Variants in RAPGEF1 observed in about 807,000 individuals in gnomAD.
The protein encoded by RAPGEF1 is Rap guanine nucleotide exchange factor 1, also known as CRK SH3-binding GNRP.
Under a neutral mutation model 143.3 loss-of-function variants are expected in RAPGEF1, and 33 were observed. The observed-to-expected ratio is 0.23, with a 90% confidence interval of 0.17 to 0.31. The LOEUF (loss-of-function observed/expected upper bound fraction) is 0.31, where lower values mean the gene tolerates loss of function less well. Among genes scored for constraint, RAPGEF1 ranks in the 10% least tolerant of loss-of-function variants. The pLI is 1.00. For synonymous variants in RAPGEF1, 629 were observed against 676.5 expected, an observed-to-expected ratio of 0.93 and a Z score of 1.09; for missense variants, 1,199 against 1,645.4, an observed-to-expected ratio of 0.73 and a Z score of 4.69.
chr9:131,688,638 T>C (rs1833547425), intron 1 of RAPGEF1, among the ~76,000 whole-genome samples: 1 of 152,156 alleles, frequency 6.6e-6, no homozygotes, highest in African/African-American at 2.4e-5. Context: ...CAAATCTAAA[T>C]AACAAGCCTG....
chr9:131,739,944 C>T lies in RAPGEF1; in HGVS notation c.-114G>A. On this transcript the variant is annotated 5_prime_UTR_variant, in exon 1 of 27. Coordinates refer to ENST00000683357, the MANE Select transcript of RAPGEF1 (RefSeq NM_001377935.1). ...CGGCATGGCGGGCTCCGCGCGGCCG[C>T]GGCCCTGCGCTCGGCGACCGCGCTC... is the stretch of plus-strand genomic sequence containing the variant. The T allele has an allele frequency of 1.8e-6, 1 of 569,032 alleles. No individual in the cohort carries two copies. Among genetic ancestry groups the T allele is most frequent in the Non-Finnish European group, 2.2e-6 (1 of 452,860 alleles). 35.2% of individuals were successfully genotyped at this position (569,032 alleles called of 1,614,324 possible).
rs1320593779 is a variant in RAPGEF1 at position 131,641,319 on chromosome 9, C to T, written c.494+1920G>A. On this transcript the variant is annotated intron_variant, in intron 4 of 26. Transcript: ENST00000683357. This position sits in a 1 kb window ranked among gnomAD's most constrained non-coding sequence, Gnocchi z 4.6. Reference sequence around the variant, plus strand: ...ATGCTCTAGGACATATACCCTCTGCCCATGACTGCCCGAGTCGCCGCCCTC... The same window carrying T: ...ATGCTCTAGGACATATACCCTCTGCTCATGACTGCCCGAGTCGCCGCCCTC... Among the ~76,000 whole-genome samples the T allele has an allele frequency of 1.3e-5, 2 of 152,272 alleles. No homozygotes were observed. The highest frequency in any genetic ancestry group is 1.9e-4 in the East Asian group (1 of 5,176).
At chr9:131,724,181 G>A (rs1209215705) in intron 1 of RAPGEF1, among the ~76,000 whole-genome samples, 2 of 152,226 alleles carry the variant, frequency 1.3e-5, no homozygotes, top group Non-Finnish European at 2.9e-5. Context: ...ATCGGACTGT[G>A]TGAGTGTCCG....
At position 131,584,306 on chromosome 9, in the gene RAPGEF1, C is replaced by T; in HGVS notation, c.3414+5G>A. On this transcript the variant is annotated splice_donor_5th_base_variant and intron_variant, in intron 24 of 26. Coordinates refer to ENST00000683357, the MANE Select transcript of RAPGEF1 (RefSeq NM_001377935.1). The surrounding 1 kb of genome is among the most constrained non-coding windows in gnomAD (Gnocchi z 6.8). ...CCCTCCCGCCCACGCCCCAAGGCCA[C>T]TCACCTCTGAAGTCTGCTTCTGCCA... is the stretch of plus-strand genomic sequence containing the variant. The T allele has an allele frequency of 6.2e-7, 1 of 1,608,398 alleles. No individual in the cohort carries two copies. The highest frequency in any genetic ancestry group is 8.5e-7 in the Non-Finnish European group (1 of 1,177,362).
chr9:131,722,118 A>C (rs959780003), intron 1 of RAPGEF1, among the ~76,000 whole-genome samples: 14 of 152,072 alleles, frequency 9.2e-5, no homozygotes, highest in African/African-American at 3.4e-4. Flanking sequence ...TCAAAAAAAA[A>C]CCCCAAGGTA....
chr9:131,730,055 G>A (rs905258946), intron 1 of RAPGEF1, among the ~76,000 whole-genome samples: 1 of 151,808 alleles, frequency 6.6e-6, no homozygotes, highest in African/African-American at 2.4e-5. Flanking sequence ...TTAGCCAGGC[G>A]AAGTGGTGGG....
intron 11 of RAPGEF1, 44 bp from the exon 12 acceptor site, chr9:131,619,250 G>A (rs969864925): frequency 7.8e-7 from 1 of 1,284,706 alleles, no homozygotes; most frequent in Non-Finnish European, 1.0e-6. Flanking sequence ...GAAGGAGGGA[G>A]AGAAGCAGAG....
intron 1 of RAPGEF1, among the ~76,000 whole-genome samples, chr9:131,713,226 C>G (rs575142593): frequency 1.3e-4 from 20 of 152,284 alleles, no homozygotes; most frequent in Middle Eastern, 3.4e-3. Context: ...TTCAATCAGA[C>G]CCGACCTGGC....
At chr9:131,618,947 G>C in intron 12 of RAPGEF1, 104 bp downstream of exon 12, 6 of 1,047,954 alleles carry the variant, frequency 5.7e-6, no homozygotes, top group Non-Finnish European at 7.8e-6. Context: ...CCGCAGAAGG[G>C]CAGGGGCCGC....
chr9:131,696,370 G>C (rs1219648449), intron 1 of RAPGEF1, among the ~76,000 whole-genome samples: 9 of 152,042 alleles, frequency 5.9e-5, no homozygotes, highest in Admixed American at 5.9e-4. Context: ...CATCTTAAAG[G>C]GCTTTCCTTA....
intron 18 of RAPGEF1, 113 bp from the exon 19 acceptor site, chr9:131,590,091 G>T: frequency 1.1e-6 from 1 of 913,544 alleles, no homozygotes; most frequent in Non-Finnish European, 1.8e-6. Flanking sequence ...CTTCCTGCAT[G>T]TAAAGCACTG....
intron 5 of RAPGEF1, among the ~76,000 whole-genome samples, 171 bp downstream of exon 5, chr9:131,638,464 C>T (rs1170475646): frequency 6.6e-6 from 1 of 152,218 alleles, no homozygotes; most frequent in East Asian, 1.9e-4. Context: ...AAGAGCCATT[C>T]GCACCAGTCC....
In RAPGEF1 at chr9:131,629,251, T is replaced by G. The variant is rs1226560984; in HGVS notation, c.744A>C (p.Pro248=). ...PSSPASKPDG[P]AELPLTDREV... ...CGCGGTCTGTCAGGGGGAGCTCTGC[T>G]GGGCTGGAGAATTGGGAAGAACTTG... Residue 248 remains proline (P), a synonymous_variant, in exon 7 of 27, where the codon CCA becomes CCC. Coordinates refer to ENST00000683357, the MANE Select transcript of RAPGEF1 (RefSeq NM_001377935.1). 2 of 1,613,256 alleles carry G rather than the reference T, an allele frequency of 1.2e-6. No homozygotes were observed. Among genetic ancestry groups the G allele is most frequent in the African/African-American group, 1.3e-5 (1 of 75,014 alleles).
chr9:131,728,133 G>C (rs1460019695), intron 1 of RAPGEF1, among the ~76,000 whole-genome samples: 1 of 152,188 alleles, frequency 6.6e-6, no homozygotes, highest in Non-Finnish European at 1.5e-5. Context: ...GGTTAAGGAA[G>C]ACTCAGAACA....
At chr9:131,639,496 T>C (rs1967203957) in intron 4 of RAPGEF1, among the ~76,000 whole-genome samples, 6 of 151,466 alleles carry the variant, frequency 4.0e-5, no homozygotes, top group Admixed American at 3.9e-4. Flanking sequence ...CCAGCTACAC[T>C]GTGATGCCAG....
In RAPGEF1 at chr9:131,621,714, C is replaced by T; in HGVS notation, c.1905+82G>A. The T allele has an allele frequency of 7.1e-7, 1 of 1,414,734 alleles. No individual in the cohort carries two copies. Among genetic ancestry groups the T allele is most frequent in the Non-Finnish European group, 9.6e-7 (1 of 1,037,766 alleles). 87.6% of individuals were successfully genotyped at this position (1,414,734 alleles called of 1,614,324 possible). On this transcript the variant is annotated intron_variant, in intron 11 of 26. Coordinates refer to ENST00000683357, the MANE Select transcript of RAPGEF1 (RefSeq NM_001377935.1). This position sits in a 1 kb window ranked among gnomAD's most constrained non-coding sequence, Gnocchi z 4.5. ...TGCCACAGCAGGGAGGAGGGTTAACCCTGCCCCCAAGGAGGGTCATTCTGG... is the reference window on the plus strand; with the variant it reads ...TGCCACAGCAGGGAGGAGGGTTAACTCTGCCCCCAAGGAGGGTCATTCTGG...
At chr9:131,700,342 T>C (rs1383867364) in intron 1 of RAPGEF1, among the ~76,000 whole-genome samples, 1 of 152,142 alleles carries the variant, frequency 6.6e-6, no homozygotes, top group Non-Finnish European at 1.5e-5. Flanking sequence ...TTATTTCTGA[T>C]CACTCTCCCT....
chr9:131,674,732 G>T (rs1832006740), intron 1 of RAPGEF1, among the ~76,000 whole-genome samples: 1 of 152,132 alleles, frequency 6.6e-6, no homozygotes, highest in Admixed American at 6.5e-5. Flanking sequence ...ACCTGAAGAG[G>T]GATCCCTAGA....
intron 1 of RAPGEF1, among the ~76,000 whole-genome samples, chr9:131,669,416 G>A (rs1234354930): frequency 6.6e-6 from 1 of 152,124 alleles, no homozygotes; most frequent in East Asian, 1.9e-4. Flanking sequence ...AGGGAAGCAG[G>A]CTGCACTGCA....
Sources: gnomAD v4.1 joint callset for allele counts (sites outside exome capture counted in the v4.1 genomes callset) on GRCh38, gnomAD v4.1.1 for gene constraint, Gnocchi (gnomAD v3.1) non-coding constraint, MANE v1.5 for transcripts, NCBI Gene and HGNC (gene_info 2026-07-23, HGNC 2026-07-21) for gene names.